Variants in SOHLH1 observed in about 807,000 individuals in gnomAD.
SOHLH1 encodes the protein spermatogenesis and oogenesis specific basic helix-loop-helix 1, also known as spermatogenesis- and oogenesis-specific basic helix-loop-helix-containing protein 1.
A neutral mutation model predicts 36.2 loss-of-function variants in SOHLH1; 23 were observed. That is an observed-to-expected ratio of 0.64 (90% CI 0.46 to 0.90). The LOEUF (loss-of-function observed/expected upper bound fraction) is 0.90, where lower values mean the gene tolerates loss of function less well. Among genes scored for constraint, SOHLH1 ranks in the 40% least tolerant of loss-of-function variants. The pLI is 0.00. For missense variants in SOHLH1, 608 were observed against 517.0 expected (o/e 1.18, Z -1.71); for synonymous variants, 289 against 228.3 (o/e 1.27, Z -2.40).
chr9:135,698,216 A>T, intron 3 of SOHLH1, 113 bp downstream of exon 3: 6 of 1,460,594 alleles, frequency 4.1e-6, no homozygotes, highest in South Asian at 1.1e-5. Context: ...AGCCGTGGAG[A>T]CCCAGAGGGC....
At chr9:135,697,421 C>T in intron 4 of SOHLH1, 85 bp downstream of exon 4, 3 of 1,563,416 alleles carry the variant, frequency 1.9e-6, no homozygotes, top group Non-Finnish European at 2.6e-6. Context: ...CAGGCCACAC[C>T]CTCCCGAGGA....
At chr9:135,700,439 C>T (rs1409018920), upstream of SOHLH1, among the ~76,000 whole-genome samples, 1 of 147,982 alleles carries the variant, frequency 6.8e-6, no homozygotes, top group East Asian at 2.0e-4. Context: ...GCAGAGGGGA[C>T]GAGGGTGGGG....
chr9:135,697,602 C>A lies in SOHLH1; in HGVS notation c.371G>T (p.Trp124Leu). 6.2e-7 allele frequency: 1 copy of A among 1,612,332 alleles called. No homozygotes were observed. The highest frequency in any genetic ancestry group is 8.5e-7 in the Non-Finnish European group (1 of 1,179,564). ...TAAAACATCCTCCTGCAACGAGTGC[C>A]ACATTTCCTTGGAGGAAGCAAGAAT... ...HAILASSKEM[W>L]HSLQEDVLQL... Residue 124 changes from tryptophan to leucine, a missense_variant, in exon 4 of 8, where the codon TGG (tryptophan) becomes TTG (leucine). Trp to Leu is a moderately conservative substitution (Grantham distance 61). Transcript: ENST00000425225.
At chr9:135,699,340 G>A (rs774221052) in intron 1 of SOHLH1, 63 bp downstream of exon 1, 30 of 1,554,098 alleles carry the variant, frequency 1.9e-5, no homozygotes, top group Admixed American at 1.7e-4. Flanking sequence ...AGCAACTTGC[G>A]GAAGAACCCC....
chr9:135,694,407 G>A lies in SOHLH1; in HGVS notation c.926C>T (p.Ala309Val). ...CTCACCCGGCCACGAGCTGGGACCAGCAGTCAGCAGGAAGGACGTCCCATC... is the reference window on the plus strand; with the variant it reads ...CTCACCCGGCCACGAGCTGGGACCAACAGTCAGCAGGAAGGACGTCCCATC... ...VDDGTSFLLT[A>V]GPSSWPGSLE... Residue 309 changes from alanine (A) to valine (V), a missense_variant, in exon 7 of 8, where the codon GCT becomes GTT. By Grantham distance (64) the Ala-to-Val change is moderately conservative. Coordinates refer to ENST00000425225, the MANE Select transcript of SOHLH1 (RefSeq NM_001101677.2). 1 of 1,613,242 alleles carries A rather than the reference G, an allele frequency of 6.2e-7. No homozygotes were observed. The highest frequency in any genetic ancestry group is 1.3e-5 in the African/African-American group (1 of 75,038).
upstream of SOHLH1, among the ~76,000 whole-genome samples, chr9:135,700,356 G>T (rs560675270): frequency 6.6e-6 from 1 of 152,266 alleles, no homozygotes; most frequent in East Asian, 1.9e-4. Flanking sequence ...CATACTTTTG[G>T]GGGGATGACG....
chr9:135,700,912 A>G (rs73667687), upstream of SOHLH1, among the ~76,000 whole-genome samples: 2,897 of 152,286 alleles, frequency 0.019, 103 homozygotes, highest in East Asian at 0.15. Flanking sequence ...TTGTTTCCCT[A>G]AAGCCCTCGG....
chr9:135,701,487 C>T (rs1452227707), upstream of SOHLH1, among the ~76,000 whole-genome samples: 2 of 152,254 alleles, frequency 1.3e-5, no homozygotes, highest in Admixed American at 6.5e-5. Flanking sequence ...CAGGGTGACG[C>T]ATGTGTAACA....
chr9:135,696,473 G>T lies in SOHLH1; in HGVS notation c.661+139C>A, dbSNP rs545184054. ...TTGAATCAAGCTCATCCCTCAACAC[G>T]TGGGTTTCTCACCAACACAAGGGCC... On this transcript the variant is annotated intron_variant, in intron 5 of 7. Transcript: ENST00000425225. 4.1e-6 allele frequency: 4 copies of T among 968,540 alleles called. No individual in the cohort carries two copies. In the African/African-American group the frequency reaches 6.6e-5, roughly 16 times the overall value. 60.0% of individuals were successfully genotyped at this position (968,540 alleles called of 1,614,324 possible). A position where few individuals can be genotyped will look rare whatever the true frequency, so the allele number is the denominator to read the frequency against.
intron 2 of SOHLH1, 102 bp downstream of exon 2, chr9:135,698,893 A>G: frequency 1.3e-6 from 2 of 1,542,956 alleles, no homozygotes; most frequent in Non-Finnish European, 1.8e-6. Flanking sequence ...ACAGGCCACG[A>G]GCCCCTCCCA....
At chr9:135,697,749 A>C in intron 3 of SOHLH1, 122 bp from the exon 4 acceptor site, 1 of 1,213,066 alleles carries the variant, frequency 8.2e-7, no homozygotes, top group Admixed American at 2.0e-5. Context: ...CCCCGCTTGG[A>C]ACTTGGGGGC....
intron 4 of SOHLH1, 71 bp from the exon 5 acceptor site, chr9:135,696,876 C>T: frequency 6.5e-7 from 1 of 1,527,734 alleles, no homozygotes; most frequent in Non-Finnish European, 8.9e-7. Context: ...CCCACCCACC[C>T]CAAGAGCAGA....
rs1292698891 is a variant in SOHLH1, at chr9:135,699,087, C to G, written c.105G>C (p.Ser35=). The part of the protein sequence containing the change: ...LSGALSCCED[S]ARGSGPPKAP... ...CCTTGGGCGGGCCCGAGCCCCGGGCCGAGTCCTCGCAGCAGGAGAGGGCAC... is the reference window on the plus strand; with the variant it reads ...CCTTGGGCGGGCCCGAGCCCCGGGCGGAGTCCTCGCAGCAGGAGAGGGCAC... Residue 35 remains serine (S), a synonymous_variant, in exon 2 of 8, where the codon TCG becomes TCC. Transcript: ENST00000425225. The G allele has an allele frequency of 5.0e-6, 8 of 1,609,378 alleles. No homozygotes were observed. The highest frequency in any genetic ancestry group is 3.3e-5 in the Admixed American group (2 of 59,834).
rs529494118 is a variant in SOHLH1, at chr9:135,693,521, T to C, written c.*76A>G. 1.1e-4 allele frequency: 164 copies of C among 1,481,304 alleles called. No homozygotes were observed. The highest frequency in any genetic ancestry group is 1.4e-4 in the Non-Finnish European group (156 of 1,109,344). The allele number at this position is 1,481,304 out of a possible 1,614,324, so 91.8% of individuals were successfully genotyped here. A position where few individuals can be genotyped will look rare whatever the true frequency, so the allele number is the denominator to read the frequency against. On this transcript the variant is annotated 3_prime_UTR_variant, in exon 8 of 8. Coordinates refer to ENST00000425225, the MANE Select transcript of SOHLH1 (RefSeq NM_001101677.2). ...GCTGCAACCCAAACCCAAAATAAAA[T>C]GCCCAAGCACGCGACAGGGACACAC...
chr9:135,696,913 C>T, intron 4 of SOHLH1, 108 bp from the exon 5 acceptor site: 2 of 1,235,336 alleles, frequency 1.6e-6, no homozygotes, highest in South Asian at 2.6e-5. Flanking sequence ...CAGGACACCC[C>T]AGGCACCACC....
chr9:135,697,241 G>A (rs567824434), intron 4 of SOHLH1, among the ~76,000 whole-genome samples: 2 of 152,322 alleles, frequency 1.3e-5, no homozygotes, highest in East Asian at 1.9e-4. Flanking sequence ...CACAGGAGCA[G>A]AAGAGATCCT....
chr9:135,699,360 G>T, intron 1 of SOHLH1, 43 bp downstream of exon 1: 1 of 1,586,782 alleles, frequency 6.3e-7, no homozygotes, highest in Non-Finnish European at 8.6e-7. Context: ...CTGGGTACAG[G>T]CCTTGGGCCC....
At chr9:135,694,654 C>T (rs577516196) in intron 6 of SOHLH1, among the ~76,000 whole-genome samples, 197 bp from the exon 7 acceptor site, 1 of 152,120 alleles carries the variant, frequency 6.6e-6, no homozygotes, top group East Asian at 1.9e-4. Flanking sequence ...GCGGCTCTCG[C>T]GGGTCCCGAT....
At chr9:135,699,575 C>G, upstream of SOHLH1, 1 of 1,209,200 alleles carries the variant, frequency 8.3e-7, no homozygotes, top group Non-Finnish European at 1.2e-6. Context: ...CCTAGCCCAC[C>G]CCACCCCCAC....
Sources: gnomAD v4.1 joint callset for allele counts (sites outside exome capture counted in the v4.1 genomes callset) on GRCh38, gnomAD v4.1.1 for gene constraint, MANE v1.5 for transcripts, NCBI Gene and HGNC (gene_info 2026-07-23, HGNC 2026-07-21) for gene names.